CSMD3: variants seen among roughly 807,000 people sequenced by gnomAD.
CSMD3 encodes the protein CUB and sushi domain-containing protein 3.
A neutral mutation model predicts 435.2 loss-of-function variants in CSMD3; 177 were observed. The ratio of observed to expected loss-of-function variants is 0.41; its 90% CI spans 0.36 to 0.46. The LOEUF is 0.46. Ranked by LOEUF, CSMD3 falls within the 20% of genes least tolerant of loss-of-function variation. CSMD3 has a pLI of 0.34. For synonymous variants in CSMD3, 1,656 were observed against 1,520.5 expected (o/e 1.09, Z -2.07); for missense variants, 4,265 against 4,504.6 (o/e 0.95, Z 1.52).
chr8:112,499,001 T>C (rs1821659484), intron 30 of CSMD3, among the ~76,000 whole-genome samples: 2 of 152,136 alleles, frequency 1.3e-5, no homozygotes, highest in South Asian at 2.1e-4. Context: ...TAGTGTATAG[T>C]GGTGAATGAA....
chr8:113,018,113 T>C (rs554241531), intron 6 of CSMD3, among the ~76,000 whole-genome samples: 1 of 152,224 alleles, frequency 6.6e-6, no homozygotes, highest in East Asian at 1.9e-4. Context: ...TGATACTCAG[T>C]GCACTATTAC....
intron 13 of CSMD3, among the ~76,000 whole-genome samples, chr8:112,749,004 T>C (rs571130476): frequency 7.9e-5 from 12 of 152,328 alleles, no homozygotes; most frequent in Admixed American, 5.9e-4. Context: ...CATCATCTTT[T>C]ACTTTTTGAC....
At chr8:112,232,275 T>C (rs537109231) in intron 68 of CSMD3, among the ~76,000 whole-genome samples, 6 of 152,094 alleles carry the variant, frequency 3.9e-5, no homozygotes, top group South Asian at 2.1e-4. Flanking sequence ...AAGGCAGGGG[T>C]TGATAGCTAA....
At chr8:113,168,807 G>A in intron 4 of CSMD3, among the ~76,000 whole-genome samples, 1 of 151,776 alleles carries the variant, frequency 6.6e-6, no homozygotes, top group East Asian at 1.9e-4. Context: ...TATTTATTTA[G>A]TATCATATTT....
intron 3 of CSMD3, among the ~76,000 whole-genome samples, chr8:113,221,419 G>T (rs757730305): frequency 4.7e-5 from 7 of 150,010 alleles, no homozygotes; most frequent in Non-Finnish European, 8.9e-5. Flanking sequence ...AAAGCAAATG[G>T]TGTAAAATGT....
intron 32 of CSMD3, among the ~76,000 whole-genome samples, chr8:112,448,561 G>A (rs999995246): frequency 2.0e-5 from 3 of 152,114 alleles, no homozygotes; most frequent in Non-Finnish European, 4.4e-5. Context: ...AAACTAGGAA[G>A]AGACAAGAAA....
intron 4 of CSMD3, among the ~76,000 whole-genome samples, chr8:113,124,480 T>G (rs139208560): frequency 1.1e-5 from 1 of 94,562 alleles, no homozygotes; most frequent in South Asian, 3.7e-4. Context: ...AAATAAACCT[T>G]GTGGGAAAAA....
chr8:112,596,027 A>C (rs1334529321), intron 22 of CSMD3, among the ~76,000 whole-genome samples: 2 of 149,618 alleles, frequency 1.3e-5, no homozygotes, highest in Non-Finnish European at 3.0e-5. Context: ...ATTAACTTTA[A>C]ATGTAAATGG....
At chr8:113,277,874 A>G (rs748602736) in intron 3 of CSMD3, among the ~76,000 whole-genome samples, 1 of 151,826 alleles carries the variant, frequency 6.6e-6, no homozygotes, top group South Asian at 2.1e-4. Context: ...TTTTGCTAGC[A>G]CATTTTTTAA....
chr8:113,213,222 G>T (rs1044553984), intron 3 of CSMD3, among the ~76,000 whole-genome samples: 1 of 151,984 alleles, frequency 6.6e-6, no homozygotes, highest in African/African-American at 2.4e-5. Context: ...TCCCTCAAAA[G>T]ACTTCACAAA....
rs9987092 is a variant in CSMD3, at chr8:112,500,611, G to A, written c.5083+3179C>T. Among the ~76,000 whole-genome samples the A allele has an allele frequency of 6.9e-4, 105 of 152,252 alleles. 1 individual carries two copies. Among genetic ancestry groups the A allele is most frequent in the African/African-American group, 2.5e-3 (104 of 41,558 alleles). Reference sequence around the variant, plus strand: ...GTACTAAATCAATGATAATGATACAGGAGTTAATAAGAAATCACTTAGGCA... The same window carrying A: ...GTACTAAATCAATGATAATGATACAAGAGTTAATAAGAAATCACTTAGGCA... On this transcript the variant is annotated intron_variant, in intron 30 of 70. Transcript: ENST00000297405.
chr8:113,119,054 A>G lies in CSMD3; in HGVS notation c.710-20091T>C, dbSNP rs148977046. Among the ~76,000 whole-genome samples, 884 of 152,252 alleles carry G rather than the reference A, an allele frequency of 5.8e-3. 4 individuals carry two copies. The highest frequency in any genetic ancestry group is 0.019 in the African/African-American group (795 of 41,558). ...CCCTGTGAGAAAGGCAAAGTATGAGAGCACTTTTAGTATAATTTGAAGAGT... is the reference window on the plus strand; with the variant it reads ...CCCTGTGAGAAAGGCAAAGTATGAGGGCACTTTTAGTATAATTTGAAGAGT... On this transcript the variant is annotated intron_variant, in intron 4 of 70. Coordinates refer to ENST00000297405, the MANE Select transcript of CSMD3 (RefSeq NM_198123.2).
intron 2 of CSMD3, among the ~76,000 whole-genome samples, chr8:113,307,723 G>T (rs1336597745): frequency 6.6e-6 from 1 of 152,020 alleles, no homozygotes; most frequent in Non-Finnish European, 1.5e-5. Context: ...CAAAATATTT[G>T]AACAAACTCT....
chr8:112,348,523 C>T (rs1825867278), intron 40 of CSMD3, among the ~76,000 whole-genome samples: 1 of 152,008 alleles, frequency 6.6e-6, no homozygotes, highest in Non-Finnish European at 1.5e-5. Flanking sequence ...TGTATCACTG[C>T]CAATATTTTA....
At chr8:112,563,010 G>A (rs1224602821) in intron 24 of CSMD3, among the ~76,000 whole-genome samples, 1 of 151,554 alleles carries the variant, frequency 6.6e-6, no homozygotes, top group African/African-American at 2.4e-5. Context: ...AAATACTCTG[G>A]AATTTAACTA....
chr8:112,849,312 T>G (rs1376850326), intron 11 of CSMD3, among the ~76,000 whole-genome samples: 2 of 152,034 alleles, frequency 1.3e-5, no homozygotes, highest in Non-Finnish European at 2.9e-5. Flanking sequence ...AACTCAATAT[T>G]GATAAAAGTA....
At chr8:112,233,166 A>T (rs2129922781) in intron 68 of CSMD3, among the ~76,000 whole-genome samples, 1 of 152,342 alleles carries the variant, frequency 6.6e-6, no homozygotes, top group African/African-American at 2.4e-5. Context: ...ACTAAGTAGT[A>T]AAGTGATATA....
chr8:113,290,891 A>G (rs2093681902), intron 2 of CSMD3, among the ~76,000 whole-genome samples: 1 of 151,518 alleles, frequency 6.6e-6, no homozygotes, highest in Admixed American at 6.6e-5. Flanking sequence ...ATTAAATAAT[A>G]AATTACTTGT....
intron 17 of CSMD3, 45 bp from the exon 18 acceptor site, chr8:112,656,386 T>C (rs1265086159): frequency 7.0e-6 from 10 of 1,433,548 alleles, no homozygotes; most frequent in Non-Finnish European, 9.8e-6. Flanking sequence ...GAATTAACAC[T>C]ATATATGGAA....
Sources: allele counts gnomAD v4.1 joint callset (sites outside exome capture counted in the v4.1 genomes callset), GRCh38; gene constraint gnomAD v4.1.1; transcripts MANE v1.5; gene names NCBI Gene and HGNC (gene_info 2026-07-23, HGNC 2026-07-21).